Variants in CNOT4 observed in about 807,000 individuals in gnomAD.
CNOT4 encodes CCR4-associated factor 4.
A neutral mutation model predicts 73.8 loss-of-function variants in CNOT4; 8 were observed. The observed-to-expected ratio is 0.11, with a 90% CI of 0.06 to 0.20. CNOT4 has a LOEUF of 0.20. CNOT4 is among the 10% of genes least tolerant of loss of function. The pLI is 1.00. For synonymous variants in CNOT4, 293 were observed against 321.1 expected, an observed-to-expected ratio of 0.91 and a Z score of 0.94; for missense variants, 564 against 883.4, an observed-to-expected ratio of 0.64 and a Z score of 4.58.
chr7:135,379,498 A>C (rs1419245913), intron 10 of CNOT4, among the ~76,000 whole-genome samples: 1 of 152,184 alleles, frequency 6.6e-6, no homozygotes, highest in African/African-American at 2.4e-5. Context: ...TAGAAGGAAA[A>C]GGAAACATAT....
chr7:135,385,721 G>C (rs139378215), intron 10 of CNOT4, among the ~76,000 whole-genome samples: 15 of 152,278 alleles, frequency 9.9e-5, no homozygotes, highest in Non-Finnish European at 1.5e-4. Context: ...TGTCGGAGCA[G>C]TTACTGAGAG....
chr7:135,459,087 A>C (rs1344091778), intron 1 of CNOT4, among the ~76,000 whole-genome samples: 1 of 151,992 alleles, frequency 6.6e-6, no homozygotes, highest in Non-Finnish European at 1.5e-5. Context: ...TTACTCCTGG[A>C]TCCACGGACT....
At chr7:135,407,384 AG>A (rs1434213257) in intron 7 of CNOT4, among the ~76,000 whole-genome samples, 1 of 152,242 alleles carries the variant, frequency 6.6e-6, no homozygotes, top group Non-Finnish European at 1.5e-5. Context: ...AAAGGAAAAA[AG>A]TCTCAATAAA....
intron 1 of CNOT4, among the ~76,000 whole-genome samples, chr7:135,453,825 T>TA (rs1563059539): frequency 2.8e-4 from 22 of 77,338 alleles, no homozygotes; most frequent in East Asian, 2.2e-3. Context: ...ATATATATAT[T>TA]TTATATATAT....
intron 1 of CNOT4, among the ~76,000 whole-genome samples, chr7:135,503,653 C>T (rs1413200879): frequency 6.6e-6 from 1 of 152,082 alleles, no homozygotes; most frequent in Non-Finnish European, 1.5e-5. Flanking sequence ...CAAAATATAA[C>T]ATTTTCTTTA....
At chr7:135,437,956 C>G (rs1445272959) in intron 2 of CNOT4, among the ~76,000 whole-genome samples, 2 of 152,264 alleles carry the variant, frequency 1.3e-5, no homozygotes, top group East Asian at 1.9e-4. Flanking sequence ...AAAGATCATA[C>G]AGCTAGTAAA....
chr7:135,373,770 C>T (rs1450551415), intron 10 of CNOT4, among the ~76,000 whole-genome samples: 1 of 151,752 alleles, frequency 6.6e-6, no homozygotes, highest in East Asian at 1.9e-4. Context: ...TTAGTAGAGA[C>T]GGGGTTTCAC....
At chr7:135,405,436 TCA>T (rs1283631903) in intron 7 of CNOT4, among the ~76,000 whole-genome samples, 2 of 152,126 alleles carry the variant, frequency 1.3e-5, no homozygotes, top group African/African-American at 4.8e-5. Flanking sequence ...ACTATTCCTT[TCA>T]CAGTTGGTAC....
At chr7:135,448,306 A>AG in intron 1 of CNOT4, among the ~76,000 whole-genome samples, 1 of 152,206 alleles carries the variant, frequency 6.6e-6, no homozygotes, top group East Asian at 1.9e-4. Context: ...GCACTTTGGG[A>AG]GGCCGAGATG....
At chr7:135,439,643 G>C (rs1799355746) in intron 1 of CNOT4, among the ~76,000 whole-genome samples, 1 of 152,088 alleles carries the variant, frequency 6.6e-6, no homozygotes, top group African/African-American at 2.4e-5. Flanking sequence ...AGCTGGGCAT[G>C]GTGGCGCACA....
chr7:135,508,454 C>T (rs1172262851), intron 1 of CNOT4, among the ~76,000 whole-genome samples: 1 of 152,208 alleles, frequency 6.6e-6, no homozygotes, highest in Non-Finnish European at 1.5e-5. Flanking sequence ...TTCCCAGCCC[C>T]CTTCTTTTCT....
intron 10 of CNOT4, among the ~76,000 whole-genome samples, chr7:135,372,685 T>C (rs1795282978): frequency 6.6e-6 from 1 of 151,484 alleles, no homozygotes; most frequent in Non-Finnish European, 1.5e-5. Flanking sequence ...GTTTCCCAAA[T>C]AGCTGGGATT....
At chr7:135,428,984 C>T (rs1291100400) in intron 2 of CNOT4, among the ~76,000 whole-genome samples, 1 of 152,070 alleles carries the variant, frequency 6.6e-6, no homozygotes, top group Non-Finnish European at 1.5e-5. Flanking sequence ...CAAAGTTATA[C>T]ACACACACAT....
At chr7:135,423,823 C>T (rs370962772) in intron 2 of CNOT4, among the ~76,000 whole-genome samples, 2 of 152,132 alleles carry the variant, frequency 1.3e-5, no homozygotes, top group East Asian at 1.9e-4. Context: ...TGGCATACTC[C>T]AACTTATTTG....
intron 2 of CNOT4, among the ~76,000 whole-genome samples, chr7:135,423,471 T>TA (rs57293861): frequency 0.044 from 6,114 of 139,950 alleles, 391 homozygotes; most frequent in African/African-American, 0.14. Context: ...ATATAAGCGT[T>TA]AAAAAAAAAA....
intron 1 of CNOT4, among the ~76,000 whole-genome samples, chr7:135,454,948 T>C (rs1015283117): frequency 6.6e-6 from 1 of 151,948 alleles, no homozygotes; most frequent in Non-Finnish European, 1.5e-5. Context: ...TACACAACAC[T>C]AGGTCAATTA....
intron 1 of CNOT4, chr7:135,444,760 G>C: frequency 1.3e-6 from 2 of 1,500,200 alleles, no homozygotes; most frequent in Non-Finnish European, 1.9e-6. Flanking sequence ...ACTCTTCATG[G>C]TCACTGGGGC....
chr7:135,489,603 C>T (rs1363893402), intron 1 of CNOT4, among the ~76,000 whole-genome samples: 1 of 151,884 alleles, frequency 6.6e-6, no homozygotes, highest in Non-Finnish European at 1.5e-5. Context: ...TCCATGTTGG[C>T]CAGGCTAGTC....
At chr7:135,424,971 A>G (rs531219658) in intron 2 of CNOT4, among the ~76,000 whole-genome samples, 6 of 152,338 alleles carry the variant, frequency 3.9e-5, no homozygotes, top group Admixed American at 2.0e-4. Context: ...CATAACAAGG[A>G]AAGTACAAAA....
Sources: gnomAD v4.1 joint callset for allele counts (sites outside exome capture counted in the v4.1 genomes callset) on GRCh38, gnomAD v4.1.1 for gene constraint, MANE v1.5 for transcripts, NCBI Gene and HGNC (gene_info 2026-07-23, HGNC 2026-07-21) for gene names.